The following RAB38 variants were observed in gnomAD, a reference collection of about 807,000 sequenced individuals.
RAB38 encodes the protein RAB38, member RAS oncogene family.
In RAB38, 15 loss-of-function variants were observed where a neutral mutation model predicts 18.4. The observed-to-expected ratio is 0.82, with a 90% CI of 0.55 to 1.26. The LOEUF (loss-of-function observed/expected upper bound fraction) is 1.26. Ranked by LOEUF, RAB38 falls within the 50% of genes most tolerant of loss-of-function variation. RAB38 has a pLI of 0.00. For synonymous variants in RAB38, 101 were observed against 104.4 expected, an observed-to-expected ratio of 0.97 and a Z score of 0.20; for missense variants, 294 against 267.4, an observed-to-expected ratio of 1.10 and a Z score of -0.69.
the RAB38 span, among the ~76,000 whole-genome samples, chr11:87,902,024 C>A: frequency 1.3e-5 from 2 of 150,418 alleles, no homozygotes; most frequent in African/African-American, 4.9e-5. Flanking sequence ...GATTGGACTG[C>A]AGGAGAAGAT....
the RAB38 span, among the ~76,000 whole-genome samples, chr11:87,873,017 G>C: frequency 1.3e-5 from 2 of 151,494 alleles, no homozygotes; most frequent in Non-Finnish European, 3.0e-5. Flanking sequence ...GATTAGTTTT[G>C]TAAGAACCTC....
At chr11:87,919,080 T>C in the RAB38 span, among the ~76,000 whole-genome samples, 1 of 152,104 alleles carries the variant, frequency 6.6e-6, no homozygotes. Flanking sequence ...TGTGTGTAGA[T>C]ATCCAGTTTT....
intron 2 of RAB38, among the ~76,000 whole-genome samples, chr11:88,117,234 T>A (rs902804652): frequency 6.6e-6 from 1 of 152,214 alleles, no homozygotes; most frequent in Non-Finnish European, 1.5e-5. Flanking sequence ...CACTAAGTAC[T>A]AGGCATACCA....
At chr11:87,976,125 T>C in the RAB38 span, among the ~76,000 whole-genome samples, 2 of 149,422 alleles carry the variant, frequency 1.3e-5, no homozygotes, top group African/African-American at 4.9e-5. Flanking sequence ...TGTAAATATA[T>C]ATATGTGTGT....
the RAB38 span, among the ~76,000 whole-genome samples, chr11:87,878,839 A>C: frequency 7.9e-5 from 12 of 151,736 alleles, no homozygotes; most frequent in African/African-American, 2.9e-4. Flanking sequence ...CTTTGGCTCA[A>C]GGATGGAATT....
the RAB38 span, among the ~76,000 whole-genome samples, chr11:88,033,340 C>T: frequency 1.3e-5 from 2 of 150,770 alleles, no homozygotes; most frequent in Non-Finnish European, 2.9e-5. Flanking sequence ...AACTAACCTG[C>T]ATGTTGTGTA....
chr11:88,081,719 G>A, the RAB38 span, among the ~76,000 whole-genome samples: 3 of 151,964 alleles, frequency 2.0e-5, no homozygotes, highest in South Asian at 6.2e-4. Flanking sequence ...TGTTTCAAGA[G>A]TCTTACCTTA....
At chr11:87,946,722 A>G in the RAB38 span, among the ~76,000 whole-genome samples, 2 of 152,166 alleles carry the variant, frequency 1.3e-5, no homozygotes, top group Admixed American at 6.6e-5. Context: ...ACATGAACTC[A>G]TCATTTTCTG....
intron 1 of RAB38, among the ~76,000 whole-genome samples, chr11:88,167,939 T>C (rs1053771035): frequency 3.9e-5 from 6 of 152,122 alleles, no homozygotes; most frequent in Non-Finnish European, 8.8e-5. Flanking sequence ...GAAAGTAACA[T>C]AAATAAAGCT....
chr11:88,022,815 C>T, the RAB38 span, among the ~76,000 whole-genome samples: 2 of 151,990 alleles, frequency 1.3e-5, no homozygotes, highest in African/African-American at 4.8e-5. Context: ...AGGTTGATTC[C>T]ATGTCTTTAC....
chr11:88,011,484 T>G, the RAB38 span, among the ~76,000 whole-genome samples: 4 of 152,208 alleles, frequency 2.6e-5, no homozygotes, highest in Non-Finnish European at 4.4e-5. Flanking sequence ...AAATAAATGT[T>G]GTAGTCCAAA....
At chr11:87,835,990 A>G in the RAB38 span, among the ~76,000 whole-genome samples, 1 of 152,186 alleles carries the variant, frequency 6.6e-6, no homozygotes, top group African/African-American at 2.4e-5. Context: ...GACACCAAAT[A>G]CAGCTTTTAA....
chr11:87,827,263 G>C, the RAB38 span, among the ~76,000 whole-genome samples: 1 of 152,000 alleles, frequency 6.6e-6, no homozygotes, highest in African/African-American at 2.4e-5. Context: ...TGAAGCTGAA[G>C]ACTTCAAAGT....
chr11:88,040,271 T>C, the RAB38 span, among the ~76,000 whole-genome samples: 2 of 152,210 alleles, frequency 1.3e-5, no homozygotes, highest in Non-Finnish European at 2.9e-5. Flanking sequence ...TCCTCTCTCC[T>C]TCACTTGTAG....
chr11:87,828,007 T>C, the RAB38 span, among the ~76,000 whole-genome samples: 6 of 152,192 alleles, frequency 3.9e-5, no homozygotes, highest in East Asian at 3.8e-4. Flanking sequence ...GTTTAACTAA[T>C]AGTAATTTAC....
At chr11:87,887,693 A>T in the RAB38 span, among the ~76,000 whole-genome samples, 1 of 152,012 alleles carries the variant, frequency 6.6e-6, no homozygotes, top group African/African-American at 2.4e-5. Flanking sequence ...GATGTTATTC[A>T]TGTCATGGCC....
chr11:87,933,319 C>G, the RAB38 span, among the ~76,000 whole-genome samples: 3 of 152,110 alleles, frequency 2.0e-5, no homozygotes, highest in African/African-American at 4.8e-5. Flanking sequence ...TCATTTTCCT[C>G]TGAGCCGTTC....
rs138914125 is a variant in RAB38, at chr11:88,121,133, T to C, written c.484-6993A>G. 3.3e-4 allele frequency among the ~76,000 whole-genome samples: 51 copies of C among 152,286 alleles called. 1 individual carries two copies. In the East Asian group the frequency reaches 9.5e-3, roughly 28 times the overall value. On this transcript the variant is annotated intron_variant, in intron 2 of 2. Transcript: ENST00000243662. Reference sequence around the variant, plus strand: ...AGCCTTCTCTTAGCACCATGAAACATTATCTTTAGTGTTCCCTGGTACTTC... The same window carrying C: ...AGCCTTCTCTTAGCACCATGAAACACTATCTTTAGTGTTCCCTGGTACTTC...
the RAB38 span, among the ~76,000 whole-genome samples, chr11:87,877,076 T>C: frequency 2.6e-5 from 4 of 151,508 alleles, no homozygotes; most frequent in African/African-American, 9.7e-5. Flanking sequence ...ATAAAGAGTA[T>C]AAACAGGACA....
Sources: allele counts gnomAD v4.1 joint callset (sites outside exome capture counted in the v4.1 genomes callset), GRCh38; gene constraint gnomAD v4.1.1; transcripts MANE v1.5; gene names NCBI Gene and HGNC (gene_info 2026-07-23, HGNC 2026-07-21).